Variants in WDR62 observed in about 807,000 individuals in gnomAD.
WDR62 encodes the protein WD repeat-containing protein 62.
WDR62 carries 112 observed loss-of-function variants against 160.6 expected under a neutral mutation model. That is an observed-to-expected ratio of 0.70 (90% CI 0.60 to 0.82). WDR62 has a LOEUF of 0.82. Ranked by LOEUF, WDR62 falls within the 40% of genes least tolerant of loss-of-function variation. The probability of loss-of-function intolerance (pLI) is 0.00; values close to 1 mark genes in which losing one functional copy is unlikely to be tolerated. For missense variants in WDR62, 1,819 were observed against 1,983.8 expected (o/e 0.92, Z 1.58); for synonymous variants, 792 against 815.1 (o/e 0.97, Z 0.48).
intron 8 of WDR62, 52 bp from the exon 9 acceptor site, chr19:36,073,290 G>A (rs999028627): frequency 2.5e-6 from 4 of 1,576,714 alleles, no homozygotes; most frequent in Non-Finnish European, 3.5e-6. Flanking sequence ...AGAGGTGGCT[G>A]TCACTACTCA....
intron 13 of WDR62, among the ~76,000 whole-genome samples, chr19:36,088,167 G>T (rs1972367927): frequency 6.6e-6 from 1 of 152,162 alleles, no homozygotes; most frequent in African/African-American, 2.4e-5. Flanking sequence ...GAGCATGTGT[G>T]ATGTGCCCAG....
At chr19:36,096,289 A>G (rs1158661185) in intron 20 of WDR62, among the ~76,000 whole-genome samples, 1 of 151,860 alleles carries the variant, frequency 6.6e-6, no homozygotes, top group Non-Finnish European at 1.5e-5. Context: ...GTGTGTGTAG[A>G]GACAAGGTCT....
intron 3 of WDR62, chr19:36,061,348 C>G (rs1268629042): frequency 6.6e-6 from 1 of 152,226 alleles, no homozygotes; most frequent in Non-Finnish European, 1.5e-5. Context: ...AATAAAATAG[C>G]TGCCTCCAAC....
At chr19:36,063,367 G>A (rs1016838565) in intron 3 of WDR62, among the ~76,000 whole-genome samples, 34 of 152,286 alleles carry the variant, frequency 2.2e-4, no homozygotes, top group African/African-American at 7.7e-4. Flanking sequence ...CTCTGCCTCA[G>A]CCTCCTGAGT....
intron 3 of WDR62, chr19:36,060,712 C>T (rs2145535910): frequency 6.5e-6 from 1 of 153,206 alleles, no homozygotes; most frequent in Admixed American, 6.5e-5. Context: ...TTGCTTTTCT[C>T]CACAAAATTT....
In WDR62 at chr19:36,104,643, A is replaced by G. The variant is rs754115859; in HGVS notation, c.4279A>G (p.Thr1427Ala). Reference sequence around the variant, plus strand: ...GAACATCTTGCACAGGCTGCAGACCACCTTCCAAGAAGCCCTCGACCTTTA... The same window carrying G: ...GAACATCTTGCACAGGCTGCAGACCGCCTTCCAAGAAGCCCTCGACCTTTA... ...VGNILHRLQT[T>A]FQEALDLYRV... is the part of the protein sequence containing the mutation. Residue 1427 changes from threonine (T) to alanine (A), a missense_variant, in exon 31 of 32, where the codon ACC (threonine) becomes GCC (alanine). Thr to Ala is a moderately conservative substitution (Grantham distance 58, BLOSUM62 0). Transcript: ENST00000401500. 3 of 1,613,918 alleles carry G rather than the reference A, an allele frequency of 1.9e-6. No homozygotes were observed. In the African/African-American group the frequency reaches 4.0e-5, roughly 22 times the overall value.
At chr19:36,107,164 C>T (rs956736313), downstream of WDR62, among the ~76,000 whole-genome samples, 4 of 152,214 alleles carry the variant, frequency 2.6e-5, no homozygotes, top group African/African-American at 9.6e-5. Context: ...TGTCATCATG[C>T]ACCTGGCCTC....
intron 8 of WDR62, among the ~76,000 whole-genome samples, chr19:36,071,962 G>A (rs1048578887): frequency 1.2e-4 from 18 of 152,224 alleles, no homozygotes; most frequent in African/African-American, 3.9e-4. Flanking sequence ...TTCAGATAGC[G>A]GTCAGCATGG....
Position 36,103,019 on chromosome 19 carries a change from G to A in WDR62, c.3407G>A (p.Arg1136Gln), listed in dbSNP as rs61741471. 72 of 1,613,990 alleles carry A rather than the reference G, an allele frequency of 4.5e-5. No homozygotes were observed. Among genetic ancestry groups the A allele is most frequent in the Middle Eastern group, 1.6e-4 (1 of 6,084 alleles). Residue 1136 changes from arginine to glutamine, a missense_variant, in exon 28 of 32, where the codon CGA becomes CAA. Physicochemically the swap from Arg to Gln is conservative, Grantham distance 43. Coordinates refer to ENST00000401500, the MANE Select transcript of WDR62 (RefSeq NM_001083961.2). ...TCTCCAGAGGTCAAGCTCATGGACC[G>A]AGGCGGAAGCCAGCCCAGAGCAGGT... ...VKSPEVKLMD[R>Q]GGSQPRAGTG... is the part of the protein sequence containing the mutation.
At chr19:36,108,917 G>T (rs892071947), downstream of WDR62, among the ~76,000 whole-genome samples, 2 of 151,616 alleles carry the variant, frequency 1.3e-5, no homozygotes, top group Admixed American at 6.6e-5. Flanking sequence ...CACATGCCAG[G>T]CCCCATGCTA....
In WDR62 at chr19:36,085,131, T is replaced by G. The variant is rs1031965710; in HGVS notation, c.1642+387T>G. Among the ~76,000 whole-genome samples the G allele has an allele frequency of 2.6e-5, 4 of 152,230 alleles. No individual in the cohort carries two copies. In the East Asian group the frequency reaches 7.7e-4, roughly 29 times the overall value. ...GCTTCACCCAAATTCCTCAATTTTT[T>G]TTTTGAGATGGAGTCTTGCTGTCAC... On this transcript the variant is annotated intron_variant, in intron 12 of 31. Coordinates refer to ENST00000401500, the MANE Select transcript of WDR62 (RefSeq NM_001083961.2).
At chr19:36,057,524 T>G (rs915255823) in intron 1 of WDR62, among the ~76,000 whole-genome samples, 1 of 151,298 alleles carries the variant, frequency 6.6e-6, no homozygotes, top group Non-Finnish European at 1.5e-5. Context: ...TTTGTTCCTT[T>G]TTTTTTTTGA....
Position 36,067,899 on chromosome 19 carries a change from T to G in WDR62, c.771T>G (p.Gly257=). 6.2e-7 allele frequency: 1 copy of G among 1,614,194 alleles called. No individual in the cohort carries two copies. The highest frequency in any genetic ancestry group is 1.1e-5 in the South Asian group (1 of 91,088). ...AGCTGCACAACAACATCTTCTGTGG[T>G]GTGGCCTGCGGTCGGGGCCGGATGG... is the stretch of plus-strand genomic sequence containing the variant. ...LGELHNNIFC[G]VACGRGRMAG... is the part of the protein sequence containing the mutation. The change falls in exon 7 of 32, where the codon GGT becomes GGG. Residue 257 remains glycine, a synonymous_variant. Transcript: ENST00000401500.
At chr19:36,085,413 C>CTTTTTTTTTTTTT (rs1568349717) in intron 12 of WDR62, among the ~76,000 whole-genome samples, 1 of 47,236 alleles carries the variant, frequency 2.1e-5, no homozygotes, top group Non-Finnish European at 4.5e-5. Flanking sequence ...CCACACCTGA[C>CTTTTTTTTTTTTT]CTTTTTTTTT....
At chr19:36,086,944 A>G in intron 13 of WDR62, 132 bp downstream of exon 13, 1 of 1,334,068 alleles carries the variant, frequency 7.5e-7, no homozygotes, top group Non-Finnish European at 1.0e-6. Context: ...ATACAGAATA[A>G]TGACTGGGGC....
At chr19:36,056,658 A>C (rs1002351184) in intron 1 of WDR62, among the ~76,000 whole-genome samples, 2 of 152,204 alleles carry the variant, frequency 1.3e-5, no homozygotes, top group African/African-American at 4.8e-5. Flanking sequence ...TTGAGCTATT[A>C]AACTACATAT....
intron 13 of WDR62, among the ~76,000 whole-genome samples, chr19:36,087,127 G>A (rs1307937702): frequency 6.6e-6 from 1 of 151,874 alleles, no homozygotes; most frequent in Non-Finnish European, 1.5e-5. Context: ...AGCTACTCAG[G>A]AGGCCGAGGT....
Position 36,104,941 on chromosome 19 carries a change from C to G in WDR62, c.4485C>G (p.Pro1495=), listed in dbSNP as rs749487142. Residue 1495 remains proline (P), a synonymous_variant, in exon 32 of 32, where the codon CCC becomes CCG. Transcript: ENST00000401500. ...CCCCGTCCCCACCGACGCTGTACCC[C>G]CTGGCCAGCCCAGACCTGCAGGCCC... is the stretch of plus-strand genomic sequence containing the variant. ...PGPPSPPTLY[P]LASPDLQALL... The G allele has an allele frequency of 5.0e-6, 8 of 1,607,792 alleles. No homozygotes were observed. Among genetic ancestry groups the G allele is most frequent in the African/African-American group, 4.0e-5 (3 of 74,822 alleles).
intron 12 of WDR62, among the ~76,000 whole-genome samples, chr19:36,085,381 G>A (rs899828769): frequency 8.2e-5 from 12 of 145,736 alleles, no homozygotes; most frequent in African/African-American, 2.8e-4. Context: ...CTCCCAAAGC[G>A]CTGGGATTAG....
Sources: allele counts gnomAD v4.1 joint callset (sites outside exome capture counted in the v4.1 genomes callset), GRCh38; gene constraint gnomAD v4.1.1; transcripts MANE v1.5; gene names NCBI Gene and HGNC (gene_info 2026-07-23, HGNC 2026-07-21).